The following ARMC2 variants were observed in gnomAD, a reference collection of about 807,000 sequenced individuals.
ARMC2 encodes armadillo repeat-containing protein 2.
Under a neutral mutation model 90.3 loss-of-function variants are expected in ARMC2, and 67 were observed. The observed-to-expected ratio is 0.74, with a 90% CI of 0.61 to 0.91. The LOEUF (loss-of-function observed/expected upper bound fraction) is 0.91, where lower values mean the gene tolerates loss of function less well. ARMC2 is among the 40% of genes least tolerant of loss of function. The pLI, the probability that ARMC2 is intolerant of heterozygous loss-of-function variation, is 0.00. For synonymous variants in ARMC2, 393 were observed against 393.0 expected, an observed-to-expected ratio of 1.00 and a Z score of 0.00; for missense variants, 920 against 1,030.9, an observed-to-expected ratio of 0.89 and a Z score of 1.47.
At chr6:108,941,995 TTG>T (rs1776477688) in intron 12 of ARMC2, among the ~76,000 whole-genome samples, 1 of 152,188 alleles carries the variant, frequency 6.6e-6, no homozygotes, top group South Asian at 2.1e-4. Flanking sequence ...AAGGAAGTAG[TTG>T]TGTGTCCCAA....
chr6:108,876,309 C>A lies in ARMC2; in HGVS notation c.630C>A (p.Phe210Leu). 6.2e-7 allele frequency: 1 copy of A among 1,611,814 alleles called. No homozygotes were observed. The highest frequency in any genetic ancestry group is 1.1e-5 in the South Asian group (1 of 90,222). ...GTGAAATAAAGGAGCAAGAAATGTT[C>A]AAAGGAACAACATCTTTACCATCTC... ...GFSEIKEQEM[F>L]KGTTSLPSHL... Residue 210 changes from phenylalanine to leucine, a missense_variant, in exon 5 of 18, where the codon TTC (phenylalanine) becomes TTA (leucine). Transcript: ENST00000392644.
At chr6:109,001,430 G>A in the ARMC2 span, 14 of 1,613,786 alleles carry the variant, frequency 8.7e-6, no homozygotes, top group Non-Finnish European at 1.2e-5. Flanking sequence ...GCCCAAAGCA[G>A]CAAAAGAATC....
At chr6:108,874,835 TAA>T (rs879356888) in intron 4 of ARMC2, among the ~76,000 whole-genome samples, 16 of 141,200 alleles carry the variant, frequency 1.1e-4, no homozygotes, top group Non-Finnish European at 1.2e-4. Context: ...TTTCTCATCT[TAA>T]AAAAAAAAAA....
At chr6:108,901,043 G>A (rs1047816573) in intron 7 of ARMC2, among the ~76,000 whole-genome samples, 1 of 145,978 alleles carries the variant, frequency 6.9e-6, no homozygotes, top group African/African-American at 2.5e-5. Context: ...TGGGGACACT[G>A]AGTCAGTATT....
At chr6:108,972,839 A>AT (rs113667720) in intron 17 of ARMC2, among the ~76,000 whole-genome samples, 24,849 of 137,674 alleles carry the variant, frequency 0.18, 2,393 homozygotes, top group African/African-American at 0.27. Context: ...TAATCTTCTG[A>AT]TTTTTTTTTT....
chr6:108,968,276 CT>C (rs1778513716), intron 17 of ARMC2, among the ~76,000 whole-genome samples: 1 of 152,294 alleles, frequency 6.6e-6, no homozygotes, highest in Non-Finnish European at 1.5e-5. Flanking sequence ...AGTTAAGTGG[CT>C]TGCCTGAAGT....
At chr6:108,985,320 C>T in the ARMC2 span, among the ~76,000 whole-genome samples, 1 of 152,122 alleles carries the variant, frequency 6.6e-6, no homozygotes, top group Non-Finnish European at 1.5e-5. Flanking sequence ...TCCTGGGACC[C>T]TCAACCAGAA....
intron 5 of ARMC2, among the ~76,000 whole-genome samples, chr6:108,878,087 A>G (rs1777112760): frequency 6.6e-6 from 1 of 152,210 alleles, no homozygotes; most frequent in East Asian, 1.9e-4. Flanking sequence ...GTGCCAAAAA[A>G]AAGTTTACGT....
the ARMC2 span, chr6:108,999,908 TAAAC>T: frequency 5.9e-5 from 9 of 152,136 alleles, no homozygotes; most frequent in Admixed American, 5.2e-4. Context: ...GGTGAATGGA[TAAAC>T]AAACTATGGC....
At chr6:108,854,899 T>G (rs531267498) in intron 2 of ARMC2, among the ~76,000 whole-genome samples, 1 of 152,332 alleles carries the variant, frequency 6.6e-6, no homozygotes, top group South Asian at 2.1e-4. Context: ...ATTTTTCACT[T>G]CCTTCCCTCA....
intron 5 of ARMC2, among the ~76,000 whole-genome samples, chr6:108,886,996 C>T (rs1358806353): frequency 6.6e-6 from 1 of 151,816 alleles, no homozygotes; most frequent in Non-Finnish European, 1.5e-5. Context: ...CAACCTCCGC[C>T]TCCCAGGTTC....
Position 108,973,493 on chromosome 6 carries a change from C to G in ARMC2, c.2583C>G (p.Pro861=). The G allele has an allele frequency of 6.2e-7, 1 of 1,612,910 alleles. No homozygotes were observed. Residue 861 remains proline (P), a synonymous_variant, in exon 18 of 18, where the codon CCC becomes CCG. Coordinates refer to ENST00000392644, the MANE Select transcript of ARMC2 (RefSeq NM_032131.6). ...RIQRHHTFLE[P]LPIPSF ...AGAGACATCACACCTTCCTGGAACC[C>G]CTGCCCATTCCCTCTTTCTAACATG... is the stretch of plus-strand genomic sequence containing the variant.
chr6:108,985,790 A>G, the ARMC2 span, among the ~76,000 whole-genome samples: 1 of 152,198 alleles, frequency 6.6e-6, no homozygotes. Context: ...TGCTCTGGTG[A>G]GAGAACTCAG....
chr6:109,021,648 G>A, the ARMC2 span, among the ~76,000 whole-genome samples: 1 of 151,882 alleles, frequency 6.6e-6, no homozygotes, highest in Non-Finnish European at 1.5e-5. Context: ...CACTATGTTG[G>A]CCAGGCTGGT....
intron 5 of ARMC2, among the ~76,000 whole-genome samples, chr6:108,879,449 ACCCATCC>A (rs1405822760): frequency 2.7e-5 from 4 of 149,432 alleles, no homozygotes; most frequent in African/African-American, 9.9e-5. Context: ...GCACCCATTC[ACCCATCC>A]CCCATCCATC....
At chr6:109,047,378 G>C in the ARMC2 span, among the ~76,000 whole-genome samples, 1 of 82,722 alleles carries the variant, frequency 1.2e-5, no homozygotes. Flanking sequence ...CAGCCGCCCC[G>C]TCCGGGAGGT....
At chr6:108,977,422 G>T (rs536005495), downstream of ARMC2, among the ~76,000 whole-genome samples, 1 of 152,172 alleles carries the variant, frequency 6.6e-6, no homozygotes, top group African/African-American at 2.4e-5. Context: ...GAGGATTTTC[G>T]CATCGATGTT....
At position 108,953,185 on chromosome 6, in the gene ARMC2, G is replaced by A. The variant is rs757216380; in HGVS notation, c.1749G>A (p.Pro583=). Residue 583 remains proline (P), a synonymous_variant, in exon 13 of 18, where the codon CCG becomes CCA. Coordinates refer to ENST00000392644, the MANE Select transcript of ARMC2 (RefSeq NM_032131.6). ...AGCTGGATCTGCATTCCCAGAAGCCGGTGGGCCAACGAGGCGAGCAGCACA... is the reference window on the plus strand; with the variant it reads ...AGCTGGATCTGCATTCCCAGAAGCCAGTGGGCCAACGAGGCGAGCAGCACA... The part of the protein sequence containing the change: ...FHQLDLHSQK[P]VGQRGEQHRA... 47 of 1,613,908 alleles carry A rather than the reference G, an allele frequency of 2.9e-5. No homozygotes were observed. The highest frequency in any genetic ancestry group is 1.6e-4 in the Middle Eastern group (1 of 6,084).
intron 11 of ARMC2, among the ~76,000 whole-genome samples, chr6:108,933,414 T>G (rs1053750734): frequency 1.3e-5 from 2 of 152,128 alleles, no homozygotes; most frequent in Non-Finnish European, 2.9e-5. Flanking sequence ...TGTACATTGA[T>G]TTTGTATCCT....
Sources: gnomAD v4.1 joint callset for allele counts (sites outside exome capture counted in the v4.1 genomes callset) on GRCh38, gnomAD v4.1.1 for gene constraint, MANE v1.5 for transcripts, NCBI Gene and HGNC (gene_info 2026-07-23, HGNC 2026-07-21) for gene names.